The following MIPEP variants were observed in gnomAD, a reference collection of about 807,000 sequenced individuals.
MIPEP encodes the protein mitochondrial intermediate peptidase.
Under a neutral mutation model 90.3 loss-of-function variants are expected in MIPEP, and 79 were observed. That is an observed-to-expected ratio of 0.87 (90% CI 0.73 to 1.05). The LOEUF (loss-of-function observed/expected upper bound fraction) is 1.05. Ranked by LOEUF, MIPEP falls within the 50% of genes least tolerant of loss-of-function variation. The pLI, the probability that MIPEP is intolerant of heterozygous loss-of-function variation, is 0.00. For synonymous variants in MIPEP, 334 were observed against 315.8 expected (o/e 1.06, Z -0.61); for missense variants, 940 against 905.6 (o/e 1.04, Z -0.49).
chr13:23,862,091 C>T (rs1886972), intron 9 of MIPEP, among the ~76,000 whole-genome samples: 143,052 of 152,244 alleles, frequency 0.94, 67,239 homozygotes, highest in East Asian at 1. Context: ...TAAAATATGT[C>T]GACTCCTCAA....
intron 14 of MIPEP, among the ~76,000 whole-genome samples, chr13:23,833,222 G>T (rs1274519321): frequency 6.6e-6 from 1 of 152,076 alleles, no homozygotes; most frequent in African/African-American, 2.4e-5. Flanking sequence ...TTAAGGCTAG[G>T]ACTGCACTTA....
intron 16 of MIPEP, among the ~76,000 whole-genome samples, chr13:23,771,616 T>G (rs933084907): frequency 1.3e-5 from 2 of 151,634 alleles, no homozygotes; most frequent in Non-Finnish European, 2.9e-5. Flanking sequence ...ATACTGCTAT[T>G]AGCTTCTCAT....
intron 18 of MIPEP, chr13:23,747,494 A>G (rs761879566): frequency 3.7e-5 from 18 of 492,264 alleles, no homozygotes; most frequent in South Asian, 2.5e-4. Context: ...CAAGCACTGT[A>G]CTAGAACAAA....
At chr13:23,752,490 T>C (rs776624358) in intron 18 of MIPEP, among the ~76,000 whole-genome samples, 1 of 152,196 alleles carries the variant, frequency 6.6e-6, no homozygotes, top group Non-Finnish European at 1.5e-5. Context: ...CCTTAGATCA[T>C]GCTCACCATA....
chr13:23,870,290 ATAT>A (rs1467866293), intron 5 of MIPEP, 95 bp from the exon 6 acceptor site: 8 of 673,742 alleles, frequency 1.2e-5, no homozygotes, highest in Non-Finnish European at 1.8e-5. Flanking sequence ...ATCAACATAT[ATAT>A]TGTTGAATTA....
chr13:23,841,287 A>C (rs780169457), intron 11 of MIPEP, 48 bp downstream of exon 11: 1 of 1,554,676 alleles, frequency 6.4e-7, no homozygotes, highest in Non-Finnish European at 8.7e-7. Context: ...CAACTGCCCA[A>C]CCGAAAGGTA....
intron 5 of MIPEP, among the ~76,000 whole-genome samples, chr13:23,871,843 A>G (rs1308000949): frequency 3.3e-5 from 5 of 152,226 alleles, no homozygotes; most frequent in Admixed American, 2.6e-4. Flanking sequence ...TAACAAGTGG[A>G]ATAACAAAAA....
At chr13:23,862,187 A>T in intron 9 of MIPEP, 115 bp downstream of exon 9, 1 of 680,870 alleles carries the variant, frequency 1.5e-6, no homozygotes, top group Non-Finnish European at 2.6e-6. Flanking sequence ...ACCGAGGATC[A>T]GAAACAAGAC....
At chr13:23,778,758 G>A (rs971733432) in intron 16 of MIPEP, among the ~76,000 whole-genome samples, 7 of 151,304 alleles carry the variant, frequency 4.6e-5, no homozygotes, top group African/African-American at 7.3e-5. Flanking sequence ...GTGTTTACTG[G>A]GTGCCAGGCA....
At chr13:23,746,275 A>G (rs1431361403) in intron 18 of MIPEP, among the ~76,000 whole-genome samples, 1 of 151,340 alleles carries the variant, frequency 6.6e-6, no homozygotes, top group East Asian at 2.0e-4. Context: ...CAGCCTCCCA[A>G]AGTGCTGGGA....
chr13:23,741,887 C>G (rs1387193028), intron 18 of MIPEP, among the ~76,000 whole-genome samples: 1 of 151,900 alleles, frequency 6.6e-6, no homozygotes, highest in African/African-American at 2.4e-5. Flanking sequence ...CAGCACTGGA[C>G]TTAGTAGAAA....
chr13:23,803,914 T>C (rs944648952), intron 16 of MIPEP, among the ~76,000 whole-genome samples: 2 of 152,142 alleles, frequency 1.3e-5, no homozygotes, highest in African/African-American at 2.4e-5. Context: ...AACATAGCTA[T>C]GCTTCTTTTA....
chr13:23,740,702 C>T (rs1462992088), intron 18 of MIPEP, among the ~76,000 whole-genome samples: 1 of 152,210 alleles, frequency 6.6e-6, no homozygotes, highest in Non-Finnish European at 1.5e-5. Context: ...AGCTTTAATG[C>T]CTGATTTCTA....
intron 16 of MIPEP, among the ~76,000 whole-genome samples, chr13:23,780,455 C>T (rs371749479): frequency 2.1e-4 from 32 of 151,858 alleles, no homozygotes; most frequent in Non-Finnish European, 4.6e-4. Flanking sequence ...CCCATCTGTA[C>T]GTCACCATCA....
At chr13:23,741,287 A>C (rs1161519123) in intron 18 of MIPEP, among the ~76,000 whole-genome samples, 1 of 152,170 alleles carries the variant, frequency 6.6e-6, no homozygotes, top group African/African-American at 2.4e-5. Context: ...TAAAAATAGA[A>C]CTACCATCTG....
At chr13:23,781,221 A>G (rs1335040291) in intron 16 of MIPEP, among the ~76,000 whole-genome samples, 2 of 152,252 alleles carry the variant, frequency 1.3e-5, no homozygotes, top group Non-Finnish European at 2.9e-5. Flanking sequence ...CGGGTTACCC[A>G]CAAAAGGAAA....
intron 3 of MIPEP, among the ~76,000 whole-genome samples, chr13:23,880,313 G>A (rs1871224559): frequency 6.6e-6 from 1 of 152,160 alleles, no homozygotes; most frequent in African/African-American, 2.4e-5. Flanking sequence ...CAGGGAGAGA[G>A]TGAGTGTGGA....
intron 14 of MIPEP, among the ~76,000 whole-genome samples, chr13:23,818,390 C>T (rs1953267231): frequency 6.6e-6 from 1 of 152,152 alleles, no homozygotes; most frequent in South Asian, 2.1e-4. Context: ...CGCACCACTG[C>T]ACTCCAGCCT....
chr13:23,846,266 T>C (rs1869534077), intron 10 of MIPEP, among the ~76,000 whole-genome samples: 1 of 152,134 alleles, frequency 6.6e-6, no homozygotes, highest in Non-Finnish European at 1.5e-5. Flanking sequence ...CAACATTTAC[T>C]GGATCTCCCC....
Sources: gnomAD v4.1 joint callset for allele counts (sites outside exome capture counted in the v4.1 genomes callset) on GRCh38, gnomAD v4.1.1 for gene constraint, MANE v1.5 for transcripts, NCBI Gene and HGNC (gene_info 2026-07-23, HGNC 2026-07-21) for gene names.